LYPLAL1: variants seen among roughly 807,000 people sequenced by gnomAD.
The protein encoded by LYPLAL1 is lysophospholipase-like protein 1.
LYPLAL1 carries 23 observed loss-of-function variants against 19.7 expected under a neutral mutation model. The observed-to-expected ratio is 1.17, with a 90% confidence interval of 0.84 to 1.65. The LOEUF is 1.65. Ranked by LOEUF, LYPLAL1 falls within the 40% of genes most tolerant of loss-of-function variation. LYPLAL1 has a pLI of 0.00. For missense variants in LYPLAL1, 355 were observed against 279.4 expected (o/e 1.27, Z -1.93); for synonymous variants, 119 against 96.3 (o/e 1.24, Z -1.38).
At chr1:219,387,666 T>C in the LYPLAL1 span, among the ~76,000 whole-genome samples, 1 of 152,334 alleles carries the variant, frequency 6.6e-6, no homozygotes. Context: ...AAATGTTGCT[T>C]TAAATTCTGA....
At chr1:219,352,381 G>A in the LYPLAL1 span, among the ~76,000 whole-genome samples, 11 of 152,308 alleles carry the variant, frequency 7.2e-5, no homozygotes, top group African/African-American at 2.2e-4. Context: ...AGCCGGGCGC[G>A]GTGGCGGGCG....
chr1:219,194,841 G>T (rs1446067174), intron 3 of LYPLAL1, among the ~76,000 whole-genome samples: 3 of 152,084 alleles, frequency 2.0e-5, no homozygotes, highest in Non-Finnish European at 4.4e-5. Context: ...AACTATTACA[G>T]TGTAGAAGTC....
At chr1:219,254,599 A>C in the LYPLAL1 span, among the ~76,000 whole-genome samples, 1 of 152,054 alleles carries the variant, frequency 6.6e-6, no homozygotes, top group African/African-American at 2.4e-5. Context: ...AGTTTTGAAC[A>C]TAGGCCCCCA....
At chr1:219,403,661 T>C in the LYPLAL1 span, among the ~76,000 whole-genome samples, 2 of 152,194 alleles carry the variant, frequency 1.3e-5, no homozygotes, top group African/African-American at 4.8e-5. Context: ...AACCTCTGGA[T>C]GCAGTGTACA....
the LYPLAL1 span, among the ~76,000 whole-genome samples, chr1:219,281,923 C>T: frequency 6.6e-6 from 1 of 152,294 alleles, no homozygotes; most frequent in East Asian, 1.9e-4. Context: ...CACCTCTGCT[C>T]ATAGGTACAG....
At chr1:219,210,479 A>G in intron 3 of LYPLAL1, 53 bp from the exon 4 acceptor site, 1 of 1,151,276 alleles carries the variant, frequency 8.7e-7, no homozygotes, top group South Asian at 1.4e-5. Context: ...TATATATCAT[A>G]TCCTAAATTA....
the LYPLAL1 span, among the ~76,000 whole-genome samples, chr1:219,384,880 A>G: frequency 3.9e-5 from 6 of 152,244 alleles, no homozygotes; most frequent in African/African-American, 1.4e-4. Flanking sequence ...TGATATAATT[A>G]CTGTGATTCT....
the LYPLAL1 span, among the ~76,000 whole-genome samples, chr1:219,409,184 C>T: frequency 6.6e-6 from 1 of 152,152 alleles, no homozygotes; most frequent in African/African-American, 2.4e-5. Context: ...TGTAGTGGCT[C>T]ACGCCTGTAA....
chr1:219,276,750 C>G, the LYPLAL1 span, among the ~76,000 whole-genome samples: 1 of 152,102 alleles, frequency 6.6e-6, no homozygotes. Flanking sequence ...GATGCCTAGA[C>G]AGATCAGTTT....
chr1:219,340,374 G>A, the LYPLAL1 span, among the ~76,000 whole-genome samples: 1,765 of 152,018 alleles, frequency 0.012, 34 homozygotes, highest in African/African-American at 0.04. Context: ...CCTAGATCTC[G>A]CTTCTGTTAT....
the LYPLAL1 span, among the ~76,000 whole-genome samples, chr1:219,370,483 G>C: frequency 6.6e-6 from 1 of 152,150 alleles, no homozygotes; most frequent in Non-Finnish European, 1.5e-5. Flanking sequence ...GAGACAGGAA[G>C]GTAGAGATAT....
At chr1:219,226,849 A>G in the LYPLAL1 span, among the ~76,000 whole-genome samples, 2 of 152,236 alleles carry the variant, frequency 1.3e-5, no homozygotes, top group Non-Finnish European at 2.9e-5. Flanking sequence ...TGAATTAACT[A>G]GGGGAAAAGT....
the LYPLAL1 span, among the ~76,000 whole-genome samples, chr1:219,287,284 T>G: frequency 6.6e-6 from 1 of 152,218 alleles, no homozygotes; most frequent in Non-Finnish European, 1.5e-5. Flanking sequence ...AACAGAGAGA[T>G]AACCTGTCTA....
At chr1:219,365,206 C>CT in the LYPLAL1 span, among the ~76,000 whole-genome samples, 49 of 151,934 alleles carry the variant, frequency 3.2e-4, no homozygotes, top group African/African-American at 1.1e-3. Context: ...ATTCTAGAAT[C>CT]TTTTTTTTAA....
chr1:219,290,100 G>A, the LYPLAL1 span, among the ~76,000 whole-genome samples: 1 of 152,196 alleles, frequency 6.6e-6, no homozygotes, highest in South Asian at 2.1e-4. Flanking sequence ...AGAAACAACA[G>A]GTCACCTAGG....
chr1:219,303,165 T>C, the LYPLAL1 span, among the ~76,000 whole-genome samples: 1 of 152,234 alleles, frequency 6.6e-6, no homozygotes, highest in Non-Finnish European at 1.5e-5. Context: ...CATGAAATAT[T>C]AATAATTAAT....
chr1:219,195,228 CAT>C (rs1657509525), intron 3 of LYPLAL1, among the ~76,000 whole-genome samples: 1 of 152,016 alleles, frequency 6.6e-6, no homozygotes, highest in African/African-American at 2.4e-5. Flanking sequence ...GGTATAATAA[CAT>C]GTAATAATTG....
chr1:219,331,988 TTG>T, the LYPLAL1 span, among the ~76,000 whole-genome samples: 2 of 152,164 alleles, frequency 1.3e-5, no homozygotes, highest in Non-Finnish European at 2.9e-5. Flanking sequence ...TAGTTACTAT[TTG>T]TGGTAACACT....
chr1:219,394,398 C>T, the LYPLAL1 span, among the ~76,000 whole-genome samples: 1 of 152,168 alleles, frequency 6.6e-6, no homozygotes, highest in African/African-American at 2.4e-5. Context: ...AAGAGATTCA[C>T]ATGGTTATGC....
Sources: gnomAD v4.1 joint callset for allele counts (sites outside exome capture counted in the v4.1 genomes callset) on GRCh38, gnomAD v4.1.1 for gene constraint, MANE v1.5 for transcripts, NCBI Gene and HGNC (gene_info 2026-07-23, HGNC 2026-07-21) for gene names.